TMEM72: variants seen among roughly 807,000 people sequenced by gnomAD.
TMEM72 encodes transmembrane protein 72.
In TMEM72, 9 loss-of-function variants were observed where a neutral mutation model predicts 16.3. That is an observed-to-expected ratio of 0.55 (90% CI 0.33 to 0.96). The LOEUF (loss-of-function observed/expected upper bound fraction) is 0.96, where lower values mean the gene tolerates loss of function less well. TMEM72 is among the 40% of genes least tolerant of loss of function. The probability of loss-of-function intolerance (pLI) is 0.03; values close to 1 mark genes in which losing one functional copy is unlikely to be tolerated. For synonymous variants in TMEM72, 160 were observed against 146.5 expected (o/e 1.09, Z -0.66); for missense variants, 324 against 337.8 (o/e 0.96, Z 0.32).
chr10:44,935,264 C>T lies in TMEM72; in HGVS notation c.*130C>T. 1 of 862,776 alleles carries T rather than the reference C, an allele frequency of 1.2e-6. No homozygotes were observed. The highest frequency in any genetic ancestry group is 1.7e-6 in the Non-Finnish European group (1 of 584,788). 53.4% of individuals were successfully genotyped at this position (862,776 alleles called of 1,614,324 possible). A position where few individuals can be genotyped will look rare whatever the true frequency, so the allele number is the denominator to read the frequency against. On this transcript the variant is annotated 3_prime_UTR_variant, in exon 5 of 5. Coordinates refer to ENST00000389583, the MANE Select transcript of TMEM72 (RefSeq NM_001123376.3). ...AGACACCCCCACACTGGCTGGGCCC[C>T]TGAGGCCATCAGGAGGTGTGACTGG...
chr10:44,911,576 GC>G lies in TMEM72; in HGVS notation c.65del (p.Ala22ValfsTer4). 6.4e-7 allele frequency: 1 copy of G among 1,550,610 alleles called. No homozygotes were observed. The highest frequency in any genetic ancestry group is 8.7e-7 in the Non-Finnish European group (1 of 1,147,242). ...YTCRLLGITT[A>X]AVLIGVGTET... ...CTGCCGGCTCCTGGGCATCACCACT[GC>G]TGCAGGTAAGACCCTGCCTCCTGGC... On this transcript the variant is annotated frameshift_variant, in exon 1 of 5. Transcript: ENST00000389583. LOFTEE classifies it high-confidence loss of function.
chr10:44,917,432 C>T (rs1386411031), intron 1 of TMEM72, among the ~76,000 whole-genome samples: 1 of 152,120 alleles, frequency 6.6e-6, no homozygotes, highest in Non-Finnish European at 1.5e-5. Flanking sequence ...AGGGGCTACA[C>T]TGTAAAGAGC....
chr10:44,912,204 A>G (rs1839947228), intron 1 of TMEM72, among the ~76,000 whole-genome samples: 1 of 152,172 alleles, frequency 6.6e-6, no homozygotes. Flanking sequence ...GATGCTTCCC[A>G]GAGATGCTGG....
chr10:44,921,809 C>T (rs963742350), intron 1 of TMEM72, among the ~76,000 whole-genome samples: 9 of 152,316 alleles, frequency 5.9e-5, no homozygotes, highest in Middle Eastern at 3.4e-3. Flanking sequence ...TCTCTAGATG[C>T]CAGGGCCAGA....
intron 1 of TMEM72, among the ~76,000 whole-genome samples, chr10:44,927,021 G>A (rs1407632183): frequency 2.0e-5 from 3 of 152,136 alleles, no homozygotes; most frequent in Non-Finnish European, 4.4e-5. Flanking sequence ...AGGCAGCCAG[G>A]GATGACAGCC....
chr10:44,934,967 C>G lies in TMEM72; in HGVS notation c.661C>G (p.Gln221Glu), dbSNP rs751100915. 1 of 1,614,088 alleles carries G rather than the reference C, an allele frequency of 6.2e-7. No individual in the cohort carries two copies. Residue 221 changes from glutamine to glutamate, a missense_variant, in exon 5 of 5, where the codon CAG becomes GAG. Physicochemically the swap from Gln to Glu is conservative, Grantham distance 29. Coordinates refer to ENST00000389583, the MANE Select transcript of TMEM72 (RefSeq NM_001123376.3). ...AGCCGACTCCCTGGCCAAGAAGAAG[C>G]AGGTGCACTTTGAAGACAACTTGGT... ...EPADSLAKKK[Q>E]VHFEDNLVRI...
intron 1 of TMEM72, among the ~76,000 whole-genome samples, chr10:44,927,191 T>C (rs1221839491): frequency 6.6e-6 from 1 of 152,066 alleles, no homozygotes; most frequent in Non-Finnish European, 1.5e-5. Flanking sequence ...CCCTGCAATG[T>C]TTCTATTGGG....
chr10:44,931,562 T>C (rs1302424336), intron 2 of TMEM72, among the ~76,000 whole-genome samples: 2 of 152,130 alleles, frequency 1.3e-5, no homozygotes, highest in African/African-American at 4.8e-5. Context: ...AGGAGCGATT[T>C]GGAAGGTATT....
At chr10:44,912,448 C>G (rs1839951440) in intron 1 of TMEM72, among the ~76,000 whole-genome samples, 1 of 152,220 alleles carries the variant, frequency 6.6e-6, no homozygotes, top group Non-Finnish European at 1.5e-5. Flanking sequence ...CAAAGAGAGA[C>G]ACACCCCCTA....
chr10:44,916,231 G>A (rs924378436), intron 1 of TMEM72, among the ~76,000 whole-genome samples: 16 of 152,162 alleles, frequency 1.1e-4, no homozygotes, highest in Non-Finnish European at 1.5e-4. Context: ...AACTCTGCTT[G>A]TCAGGCTGAC....
At chr10:44,924,748 C>T (rs965810519) in intron 1 of TMEM72, among the ~76,000 whole-genome samples, 7 of 152,260 alleles carry the variant, frequency 4.6e-5, no homozygotes, top group South Asian at 2.1e-4. Context: ...CTCCCATGAG[C>T]GCCCCACTGA....
chr10:44,935,526 C>T lies in TMEM72; in HGVS notation c.*392C>T, dbSNP rs1840386971. On this transcript the variant is annotated 3_prime_UTR_variant, in exon 5 of 5. Coordinates refer to ENST00000389583, the MANE Select transcript of TMEM72 (RefSeq NM_001123376.3). ...CTTACTCCCAACCCAGGGCACAACA[C>T]TCAGTGAGGAACCTATGGTCCACCC... 5.7e-6 allele frequency: 1 copy of T among 176,558 alleles called. No individual in the cohort carries two copies. The highest frequency in any genetic ancestry group is 1.9e-4 in the South Asian group (1 of 5,248). 10.9% of individuals were successfully genotyped at this position (176,558 alleles called of 1,614,324 possible). A position where few individuals can be genotyped will look rare whatever the true frequency, so the allele number is the denominator to read the frequency against.
rs1450642425 is a variant in TMEM72, at chr10:44,933,658, A to G, written c.231A>G (p.Ala77=). ...ICFQCQPGSL[A]DRVREKAHWL... ...CCAGGTGTCAACCAGGGTCCCTGGC[A>G]GACAGAGTAAGGGAGAAAGCCCACT... Residue 77 remains alanine (A), a synonymous_variant, in exon 4 of 5, where the codon GCA becomes GCG. Transcript: ENST00000389583. 6.2e-7 allele frequency: 1 copy of G among 1,613,866 alleles called. No individual in the cohort carries two copies. Among genetic ancestry groups the G allele is most frequent in the East Asian group, 2.2e-5 (1 of 44,882 alleles).
intron 1 of TMEM72, among the ~76,000 whole-genome samples, chr10:44,926,466 G>A: frequency 6.6e-6 from 1 of 152,170 alleles, no homozygotes; most frequent in Non-Finnish European, 1.5e-5. Context: ...TGTGCAACAT[G>A]GTGTGGAAGC....
At chr10:44,928,290 C>A (rs1252214118) in intron 2 of TMEM72, among the ~76,000 whole-genome samples, 1 of 151,732 alleles carries the variant, frequency 6.6e-6, no homozygotes, top group African/African-American at 2.4e-5. Context: ...ACCCACCAAT[C>A]TATTCATGCA....
intron 1 of TMEM72, among the ~76,000 whole-genome samples, chr10:44,925,688 C>T (rs1228099649): frequency 1.3e-5 from 2 of 152,216 alleles, no homozygotes; most frequent in Non-Finnish European, 2.9e-5. Context: ...TGACCTGGGC[C>T]TCCATCCGTG....
chr10:44,928,917 C>A (rs1840246512), intron 2 of TMEM72, among the ~76,000 whole-genome samples: 1 of 152,188 alleles, frequency 6.6e-6, no homozygotes, highest in Non-Finnish European at 1.5e-5. Flanking sequence ...ATTAATTGAG[C>A]TCTTGTTTAG....
intron 1 of TMEM72, among the ~76,000 whole-genome samples, chr10:44,921,948 T>C (rs575266343): frequency 6.6e-6 from 1 of 152,286 alleles, no homozygotes; most frequent in East Asian, 1.9e-4. Flanking sequence ...AGCACCTCCT[T>C]CATTGTAGAA....
chr10:44,934,843 C>G lies in TMEM72; in HGVS notation c.537C>G (p.Pro179=). The change falls in exon 5 of 5, where the codon CCC becomes CCG. Residue 179 remains proline, a synonymous_variant. Transcript: ENST00000389583. Reference sequence around the variant, plus strand: ...TCCATGGGGCCCTCAAGGAGGGGCCCAGCTCCCTTTTCATCCACATGAAGA... The same window carrying G: ...TCCATGGGGCCCTCAAGGAGGGGCCGAGCTCCCTTTTCATCCACATGAAGA... ...YTFHGALKEG[P]SSLFIHMKSI... 2 of 1,613,608 alleles carry G rather than the reference C, an allele frequency of 1.2e-6. No individual in the cohort carries two copies. Among genetic ancestry groups the G allele is most frequent in the South Asian group, 2.2e-5 (2 of 91,062 alleles).
Sources: gnomAD v4.1 joint callset for allele counts (sites outside exome capture counted in the v4.1 genomes callset) on GRCh38, gnomAD v4.1.1 for gene constraint, MANE v1.5 for transcripts, NCBI Gene and HGNC (gene_info 2026-07-23, HGNC 2026-07-21) for gene names.